MOV10L1: variants seen among roughly 807,000 people sequenced by gnomAD.
The protein encoded by MOV10L1 is RNA helicase Mov10l1.
In MOV10L1, 110 loss-of-function variants were observed where a neutral mutation model predicts 143.8. That is an observed-to-expected ratio of 0.76 (90% CI 0.66 to 0.90). The LOEUF (loss-of-function observed/expected upper bound fraction) is 0.90. MOV10L1 is among the 40% of genes least tolerant of loss of function. MOV10L1 has a pLI of 0.00. For missense variants in MOV10L1, 1,406 were observed against 1,526.8 expected, an observed-to-expected ratio of 0.92 and a Z score of 1.32; for synonymous variants, 593 against 581.1, an observed-to-expected ratio of 1.02 and a Z score of -0.29.
intron 15 of MOV10L1, among the ~76,000 whole-genome samples, chr22:50,140,201 C>A (rs2062940112): frequency 6.6e-6 from 1 of 152,220 alleles, no homozygotes; most frequent in Admixed American, 6.5e-5. Flanking sequence ...CAATGAATCA[C>A]ACTGTGTGCA....
chr22:50,161,166 C>A lies in MOV10L1; in HGVS notation c.3554+111C>A, dbSNP rs962778954. On this transcript the variant is annotated intron_variant, in intron 26 of 26. Coordinates refer to ENST00000262794, the MANE Select transcript of MOV10L1 (RefSeq NM_018995.3). Reference sequence around the variant, plus strand: ...CCACTTACCCACCTGCAGCCTTAGCCCTCTGCCGGCCACCGTCCTCACCTC... The same window carrying A: ...CCACTTACCCACCTGCAGCCTTAGCACTCTGCCGGCCACCGTCCTCACCTC... 23 of 1,201,850 alleles carry A rather than the reference C, an allele frequency of 1.9e-5. No individual in the cohort carries two copies. The South Asian group carries it at 2.3e-4, about 12-fold the overall frequency. The allele number at this position is 1,201,850 out of a possible 1,614,324, so 74.4% of individuals were successfully genotyped here.
chr22:50,151,010 G>T lies in MOV10L1; in HGVS notation c.2892+111G>T. The T allele has an allele frequency of 5.9e-6, 8 of 1,352,374 alleles. No individual in the cohort carries two copies. In the Middle Eastern group the frequency reaches 1.2e-3, roughly 196 times the overall value. 83.8% of individuals were successfully genotyped at this position (1,352,374 alleles called of 1,614,324 possible). A position where few individuals can be genotyped will look rare whatever the true frequency, so the allele number is the denominator to read the frequency against. ...CCTGAGTCATCTCCATCCGTGGGCA[G>T]AGTGCAGGGGAGCACCCACCATAGC... On this transcript the variant is annotated intron_variant, in intron 21 of 26. Coordinates refer to ENST00000262794, the MANE Select transcript of MOV10L1 (RefSeq NM_018995.3).
chr22:50,109,831 G>A (rs1010592844), intron 5 of MOV10L1, among the ~76,000 whole-genome samples: 1 of 151,658 alleles, frequency 6.6e-6, no homozygotes, highest in African/African-American at 2.4e-5. Context: ...AACACAGCAA[G>A]GCTCTGTCTT....
chr22:50,107,208 G>C (rs2061895695), intron 3 of MOV10L1, among the ~76,000 whole-genome samples: 1 of 151,530 alleles, frequency 6.6e-6, no homozygotes, highest in South Asian at 2.1e-4. Context: ...CCGAGTAGCT[G>C]GGACTACAGG....
At chr22:50,108,565 G>A in intron 4 of MOV10L1, 92 bp from the exon 5 acceptor site, 2 of 1,395,372 alleles carry the variant, frequency 1.4e-6, no homozygotes, top group South Asian at 2.5e-5. Context: ...GGTGCAGCTT[G>A]TGTGCTTTGG....
intron 20 of MOV10L1, among the ~76,000 whole-genome samples, chr22:50,150,208 C>T (rs748300831): frequency 6.6e-6 from 1 of 152,230 alleles, no homozygotes; most frequent in Non-Finnish European, 1.5e-5. Flanking sequence ...CATCCAGTGT[C>T]CAGCACTGGA....
rs765198888 is a variant in MOV10L1, at chr22:50,120,631, A to C, written c.1569+15A>C. On this transcript the variant is annotated intron_variant, in intron 10 of 26. Transcript: ENST00000262794. ...TACTTGCAGAGGTAGGAAGTGTCTC[A>C]TGGCCTGTGGGGTGTTGGCATCTTC... 39 of 1,557,542 alleles carry C rather than the reference A, an allele frequency of 2.5e-5. No homozygotes were observed. The highest frequency in any genetic ancestry group is 3.4e-5 in the Non-Finnish European group (38 of 1,130,754).
intron 18 of MOV10L1, among the ~76,000 whole-genome samples, chr22:50,144,905 A>G (rs1254568382): frequency 1.3e-5 from 2 of 151,634 alleles, no homozygotes; most frequent in African/African-American, 4.8e-5. Context: ...GTATTCCTTT[A>G]AGTTGCTGGT....
chr22:50,143,529 T>G (rs1265520052), intron 17 of MOV10L1, among the ~76,000 whole-genome samples: 3 of 152,234 alleles, frequency 2.0e-5, no homozygotes, highest in African/African-American at 7.2e-5. Flanking sequence ...GTTTTAGATA[T>G]CTTCATTTGT....
intron 8 of MOV10L1, among the ~76,000 whole-genome samples, chr22:50,116,121 CACAGCTCATCA>C (rs1237174582): frequency 6.6e-6 from 1 of 151,862 alleles, no homozygotes; most frequent in Non-Finnish European, 1.5e-5. Flanking sequence ...CTGATTAAAT[CACAGCTCATCA>C]ACATCAAGCT....
chr22:50,131,122 A>C (rs1380537770), intron 13 of MOV10L1, among the ~76,000 whole-genome samples: 1 of 149,692 alleles, frequency 6.7e-6, no homozygotes, highest in Non-Finnish European at 1.5e-5. Flanking sequence ...GTTAGCCAGA[A>C]TGGTCTCAAT....
intron 13 of MOV10L1, among the ~76,000 whole-genome samples, chr22:50,131,209 C>T (rs1211820113): frequency 3.3e-5 from 5 of 152,076 alleles, no homozygotes; most frequent in Non-Finnish European, 7.4e-5. Context: ...CACCCGGCCA[C>T]TGAACATCTT....
At chr22:50,144,739 G>A (rs573803237) in intron 18 of MOV10L1, among the ~76,000 whole-genome samples, 14 of 151,564 alleles carry the variant, frequency 9.2e-5, no homozygotes, top group Admixed American at 1.3e-4. Context: ...CCGCCACTGC[G>A]CCCGGCTAAT....
At chr22:50,109,437 A>G (rs1319064374) in intron 5 of MOV10L1, among the ~76,000 whole-genome samples, 3 of 152,052 alleles carry the variant, frequency 2.0e-5, no homozygotes, top group Non-Finnish European at 4.4e-5. Flanking sequence ...TGGGAGGCCG[A>G]GGCGGGTGAA....
At chr22:50,122,463 CTACA>C (rs894087978) in intron 10 of MOV10L1, among the ~76,000 whole-genome samples, 2 of 152,102 alleles carry the variant, frequency 1.3e-5, no homozygotes, top group Non-Finnish European at 2.9e-5. Context: ...TTAGAGTTTT[CTACA>C]TATAAAATTA....
At chr22:50,132,502 T>C (rs2062705451) in intron 13 of MOV10L1, among the ~76,000 whole-genome samples, 1 of 148,318 alleles carries the variant, frequency 6.7e-6, no homozygotes, top group Non-Finnish European at 1.5e-5. Flanking sequence ...TATTTTATAC[T>C]TTTCAGTGTA....
intron 19 of MOV10L1, among the ~76,000 whole-genome samples, chr22:50,149,025 G>A (rs940210201): frequency 4.6e-5 from 7 of 152,346 alleles, no homozygotes; most frequent in Middle Eastern, 3.4e-3. Context: ...CAGCCTATTG[G>A]CATGCAGGCC....
intron 19 of MOV10L1, among the ~76,000 whole-genome samples, chr22:50,148,934 C>G (rs924441150): frequency 3.9e-5 from 6 of 152,158 alleles, no homozygotes; most frequent in Admixed American, 6.5e-5. Context: ...AAAGTGCTGG[C>G]ATTACAGGCG....
chr22:50,107,679 T>C lies in MOV10L1; in HGVS notation c.443-457T>C, dbSNP rs28636765. Among the ~76,000 whole-genome samples, 16 of 152,320 alleles carry C rather than the reference T, an allele frequency of 1.1e-4. No individual in the cohort carries two copies. In the East Asian group the frequency reaches 1.5e-3, roughly 15 times the overall value. On this transcript the variant is annotated intron_variant, in intron 3 of 26. Coordinates refer to ENST00000262794, the MANE Select transcript of MOV10L1 (RefSeq NM_018995.3). ...GCGGTGTCTTGCGTCCGGCAGGCCA[T>C]GGCTTGGACCACAGCACAGCTCTCT...
Sources: allele counts gnomAD v4.1 joint callset (sites outside exome capture counted in the v4.1 genomes callset), GRCh38; gene constraint gnomAD v4.1.1; transcripts MANE v1.5; gene names NCBI Gene and HGNC (gene_info 2026-07-23, HGNC 2026-07-21).